The following N4BP1 variants were observed in gnomAD, a reference collection of about 807,000 sequenced individuals.
N4BP1 encodes the protein NEDD4 binding protein 1.
A neutral mutation model predicts 70.9 loss-of-function variants in N4BP1; 21 were observed. The observed-to-expected ratio is 0.30, with a 90% CI of 0.21 to 0.43. The LOEUF (loss-of-function observed/expected upper bound fraction) is 0.43, where lower values mean the gene tolerates loss of function less well. Ranked by LOEUF, N4BP1 falls within the 20% of genes least tolerant of loss-of-function variation. The pLI is 1.00. For synonymous variants in N4BP1, 387 were observed against 394.6 expected (o/e 0.98, Z 0.23); for missense variants, 936 against 1,069.4 (o/e 0.88, Z 1.74).
chr16:48,546,239 C>T lies in N4BP1; in HGVS notation c.2241G>A (p.Thr747=), dbSNP rs754511204. 126 of 1,610,782 alleles carry T rather than the reference C, an allele frequency of 7.8e-5. No homozygotes were observed. Among genetic ancestry groups the T allele is most frequent in the Admixed American group, 8.4e-5 (5 of 59,400 alleles). The change falls in exon 6 of 7, where the codon ACG becomes ACA. Residue 747 remains threonine (T), a synonymous_variant. Transcript: ENST00000262384. Reference sequence around the variant, plus strand: ...GAACCATAAATATGTCCCCCACGAACGTGTACTGCAGCAGCCTACAACACA... The same window carrying T: ...GAACCATAAATATGTCCCCCACGAATGTGTACTGCAGCAGCCTACAACACA... ...EIITKRLLQY[T]FVGDIFMVPD... is the part of the protein sequence containing the mutation.
intron 4 of N4BP1, among the ~76,000 whole-genome samples, chr16:48,549,113 G>C (rs1963630266): frequency 6.6e-6 from 1 of 152,168 alleles, no homozygotes; most frequent in African/African-American, 2.4e-5. Flanking sequence ...AGGCAATGTA[G>C]ACAAAGATAA....
chr16:48,562,990 T>C (rs1168761352), intron 1 of N4BP1, among the ~76,000 whole-genome samples: 1 of 151,914 alleles, frequency 6.6e-6, no homozygotes, highest in Non-Finnish European at 1.5e-5. Flanking sequence ...AAAAATTTTT[T>C]TCCAGCTGGT....
At chr16:48,551,964 G>C (rs1325298959) in intron 3 of N4BP1, among the ~76,000 whole-genome samples, 1 of 152,176 alleles carries the variant, frequency 6.6e-6, no homozygotes, top group Non-Finnish European at 1.5e-5. Context: ...GTTGCAGAGA[G>C]CTGAGACGGC....
intron 1 of N4BP1, among the ~76,000 whole-genome samples, chr16:48,570,626 C>A (rs1421217709): frequency 1.3e-5 from 2 of 152,208 alleles, no homozygotes; most frequent in Non-Finnish European, 2.9e-5. Flanking sequence ...GGATTACAGG[C>A]ATACGCCACT....
intron 1 of N4BP1, among the ~76,000 whole-genome samples, chr16:48,583,740 T>TGAAAGA (rs1964204468): frequency 6.6e-6 from 1 of 152,238 alleles, no homozygotes; most frequent in Non-Finnish European, 1.5e-5. Flanking sequence ...TGCTGGTCCC[T>TGAAAGA]CATTTATGAG....
At position 48,561,739 on chromosome 16, in the gene N4BP1, C is replaced by T. The variant is rs1963860692; in HGVS notation, c.904G>A (p.Glu302Lys). 1 of 1,612,098 alleles carries T rather than the reference C, an allele frequency of 6.2e-7. No homozygotes were observed. The highest frequency in any genetic ancestry group is 1.1e-5 in the South Asian group (1 of 91,088). The change falls in exon 2 of 7, where the codon GAA (glutamate) becomes AAA (lysine). Residue 302 changes from glutamate (E) to lysine (K), a missense_variant. Glu to Lys is a moderately conservative substitution (Grantham distance 56, BLOSUM62 1). Around this residue, in one of 4 missense-constraint regions of N4BP1, gnomAD observed 515 missense variants for 491.7 expected, o/e 1.05. Coordinates refer to ENST00000262384, the MANE Select transcript of N4BP1 (RefSeq NM_153029.4). Reference sequence around the variant, plus strand: ...AAAATCTCCCCCTCCTGAACATTTTCCAAAGAAAACTGCTTCTTCGTATGC... The same window carrying T: ...AAAATCTCCCCCTCCTGAACATTTTTCAAAGAAAACTGCTTCTTCGTATGC... ...ERHTKKQFSL[E>K]NVQEGEILHD...
intron 2 of N4BP1, among the ~76,000 whole-genome samples, chr16:48,555,541 A>G (rs143790973): frequency 2.4e-4 from 37 of 152,370 alleles, no homozygotes; most frequent in African/African-American, 8.4e-4. Flanking sequence ...ACCCCAGAAA[A>G]TATATGTAAA....
At chr16:48,573,213 A>T (rs1382971222) in intron 1 of N4BP1, among the ~76,000 whole-genome samples, 3 of 152,180 alleles carry the variant, frequency 2.0e-5, no homozygotes, top group Non-Finnish European at 4.4e-5. Flanking sequence ...TGGGTAACTA[A>T]AAAACATAAC....
At chr16:48,574,858 G>C (rs903434563) in intron 1 of N4BP1, among the ~76,000 whole-genome samples, 3 of 152,208 alleles carry the variant, frequency 2.0e-5, no homozygotes, top group Admixed American at 6.5e-5. Flanking sequence ...AAGCATCACA[G>C]AGGGCCAGAG....
At chr16:48,560,377 A>G (rs201993717) in intron 2 of N4BP1, among the ~76,000 whole-genome samples, 2 of 55,900 alleles carry the variant, frequency 3.6e-5, no homozygotes, top group South Asian at 1.2e-3. Flanking sequence ...ATAATAAGAT[A>G]AAAAAAAATC....
intron 1 of N4BP1, among the ~76,000 whole-genome samples, chr16:48,605,066 C>T (rs187361970): frequency 6.2e-4 from 94 of 151,170 alleles, no homozygotes; most frequent in Admixed American, 1.1e-3. Flanking sequence ...GAGTTTTGCT[C>T]TCGTTGCCCA....
chr16:48,551,273 TAAACCCACTGCATCAAG>T (rs1963661858), intron 4 of N4BP1, 96 bp downstream of exon 4: 1 of 680,370 alleles, frequency 1.5e-6, no homozygotes, highest in Non-Finnish European at 2.6e-6. Context: ...CCATAAATAT[TAAACCCACTGCATCAAG>T]CAGGTCCTCT....
At chr16:48,578,772 A>C (rs1964135421) in intron 1 of N4BP1, among the ~76,000 whole-genome samples, 1 of 152,178 alleles carries the variant, frequency 6.6e-6, no homozygotes, top group Non-Finnish European at 1.5e-5. Context: ...TATTTCTATA[A>C]CCTAGTTTAA....
At chr16:48,599,213 T>C (rs1012734625) in intron 1 of N4BP1, among the ~76,000 whole-genome samples, 4 of 152,134 alleles carry the variant, frequency 2.6e-5, no homozygotes, top group African/African-American at 9.7e-5. Context: ...CTCATCCCCA[T>C]CTGATACAGT....
intron 3 of N4BP1, among the ~76,000 whole-genome samples, chr16:48,552,699 G>GGAAA (rs1963690192): frequency 5.4e-5 from 1 of 18,486 alleles, no homozygotes; most frequent in Non-Finnish European, 1.3e-4. Flanking sequence ...CTCCGTCTCA[G>GGAAA]AAAAAAAAAA....
intron 1 of N4BP1, among the ~76,000 whole-genome samples, chr16:48,575,977 G>A (rs966053710): frequency 1.3e-5 from 2 of 151,694 alleles, no homozygotes; most frequent in African/African-American, 2.4e-5. Flanking sequence ...TATTAAGGAG[G>A]GATTTCTAAA....
intron 2 of N4BP1, among the ~76,000 whole-genome samples, chr16:48,559,911 A>G (rs1166151170): frequency 5.3e-5 from 8 of 152,212 alleles, no homozygotes; most frequent in African/African-American, 1.7e-4. Context: ...TGAAAACTGA[A>G]GGCAGACTTT....
chr16:48,579,355 A>T (rs1410703724), intron 1 of N4BP1, among the ~76,000 whole-genome samples: 2 of 152,250 alleles, frequency 1.3e-5, no homozygotes, highest in East Asian at 3.8e-4. Flanking sequence ...AAATAAAATT[A>T]TCAAATACTT....
chr16:48,600,731 TA>T (rs1475336030), intron 1 of N4BP1: 3 of 328,664 alleles, frequency 9.1e-6, no homozygotes, highest in African/African-American at 2.2e-5. Context: ...ATTTTTTACA[TA>T]AGGTCACTTA....
Sources: allele counts gnomAD v4.1 joint callset (sites outside exome capture counted in the v4.1 genomes callset), GRCh38; gene constraint gnomAD v4.1.1; regional missense constraint gnomAD v4.1.1; transcripts MANE v1.5; gene names NCBI Gene and HGNC (gene_info 2026-07-23, HGNC 2026-07-21).